Variants in C11orf91 observed in about 807,000 individuals in gnomAD.
C11orf91 encodes the protein chromosome 11 open reading frame 91.
C11orf91 carries 10 observed loss-of-function variants against 14.3 expected under a neutral mutation model. The observed-to-expected ratio is 0.70, with a 90% CI of 0.43 to 1.18. C11orf91 has a LOEUF of 1.18. Ranked by LOEUF, C11orf91 falls within the 50% of genes most tolerant of loss-of-function variation. The probability of loss-of-function intolerance (pLI) is 0.00; values close to 1 mark genes in which losing one functional copy is unlikely to be tolerated. For missense variants in C11orf91, 236 were observed against 269.0 expected (o/e 0.88, Z 0.86); for synonymous variants, 141 against 130.6 (o/e 1.08, Z -0.54).
At position 33,698,365 on chromosome 11, in the gene C11orf91, G is replaced by A; in HGVS notation, c.*64C>T. 5 of 928,206 alleles carry A rather than the reference G, an allele frequency of 5.4e-6. No individual in the cohort carries two copies. The highest frequency in any genetic ancestry group is 2.6e-5 in the East Asian group (1 of 38,292). The allele number at this position is 928,206 out of a possible 1,614,324, so 57.5% of individuals were successfully genotyped here. ...AACCATCTTTGAAATGACAACAAAT[G>A]GGACACATTATCTAAGCACTAACAC... is the stretch of plus-strand genomic sequence containing the variant. On this transcript the variant is annotated 3_prime_UTR_variant, in exon 2 of 2. Transcript: ENST00000379011.
chr11:33,700,022 T>C (rs1853094208), intron 1 of C11orf91, among the ~76,000 whole-genome samples: 1 of 151,926 alleles, frequency 6.6e-6, no homozygotes, highest in Admixed American at 6.6e-5. Context: ...GGAGGGAGGA[T>C]GGAGTTTGGG....
At position 33,700,255 on chromosome 11, in the gene C11orf91, G is replaced by C; in HGVS notation, c.486C>G (p.Asp162Glu). Residue 162 changes from aspartate (D) to glutamate (E), a missense_variant, in exon 1 of 2, where the codon GAC becomes GAG. Coordinates refer to ENST00000379011, the MANE Select transcript of C11orf91 (RefSeq NM_001166692.2). The part of the protein sequence containing the change: ...ELLTITGDGF[D>E]SQSYTFLKAL... Reference sequence around the variant, plus strand: ...GGCGAGGTCACGCACAGCTCTGGGAGTCGAAGCCGTCCCCAGTGATGGTGA... The same window carrying C: ...GGCGAGGTCACGCACAGCTCTGGGACTCGAAGCCGTCCCCAGTGATGGTGA... The C allele has an allele frequency of 6.5e-7, 1 of 1,534,028 alleles. No individual in the cohort carries two copies. The highest frequency in any genetic ancestry group is 8.7e-7 in the Non-Finnish European group (1 of 1,145,946).
Position 33,700,065 on chromosome 11 carries a change from G to A in C11orf91, c.496+180C>T, listed in dbSNP as rs567005868. Reference sequence around the variant, plus strand: ...GGCTCATGAAGTTCAGATCTGTGGTGGGGGGAGGAGTCGGTTAAGTCCAGG... The same window carrying A: ...GGCTCATGAAGTTCAGATCTGTGGTAGGGGGAGGAGTCGGTTAAGTCCAGG... On this transcript the variant is annotated intron_variant, in intron 1 of 1. Transcript: ENST00000379011. Among the ~76,000 whole-genome samples, 8 of 152,248 alleles carry A rather than the reference G, an allele frequency of 5.3e-5. No homozygotes were observed. The South Asian group carries it at 1.7e-3, about 32-fold the overall frequency.
chr11:33,698,400 TG>T lies in C11orf91; in HGVS notation c.*28del. 1 of 1,372,994 alleles carries T rather than the reference TG, an allele frequency of 7.3e-7. No homozygotes were observed. Among genetic ancestry groups the T allele is most frequent in the Non-Finnish European group, 1.0e-6 (1 of 997,004 alleles). 85.1% of individuals were successfully genotyped at this position (1,372,994 alleles called of 1,614,324 possible). A position where few individuals can be genotyped will look rare whatever the true frequency, so the allele number is the denominator to read the frequency against. On this transcript the variant is annotated 3_prime_UTR_variant, in exon 2 of 2. Coordinates refer to ENST00000379011, the MANE Select transcript of C11orf91 (RefSeq NM_001166692.2). ...ATCTAAGCACTAACACCTAAGGAGG[TG>T]GCTGCCCAAGCTCTGGTAGGCAGCT...
At chr11:33,705,072 GAGGTAGTTT>G (rs1284162449), upstream of C11orf91, 1 of 152,160 alleles carries the variant, frequency 6.6e-6, no homozygotes, top group African/African-American at 2.4e-5. Context: ...ATAAACCTGA[GAGGTAGTTT>G]AGTGGAATAG....
Position 33,700,769 on chromosome 11 carries a change from A to C in C11orf91, c.-29T>G. 7.9e-7 allele frequency: 1 copy of C among 1,266,470 alleles called. No homozygotes were observed. The highest frequency in any genetic ancestry group is 9.9e-7 in the Non-Finnish European group (1 of 1,007,076). The allele number at this position is 1,266,470 out of a possible 1,614,324, so 78.5% of individuals were successfully genotyped here. ...TTGAATGAGGGTCTGCGTGGGAGGA[A>C]CCCCGCGCCGGGAGACGCGCGCTCA... is the stretch of plus-strand genomic sequence containing the variant. On this transcript the variant is annotated 5_prime_UTR_variant, in exon 1 of 2. Transcript: ENST00000379011.
chr11:33,698,362 A>C lies in C11orf91; in HGVS notation c.*67T>G, dbSNP rs1853060377. The C allele has an allele frequency of 4.3e-6, 4 of 923,100 alleles. No homozygotes were observed. The South Asian group carries it at 5.7e-5, about 13-fold the overall frequency. The allele number at this position is 923,100 out of a possible 1,614,324, so 57.2% of individuals were successfully genotyped here. ...AATAACCATCTTTGAAATGACAACA[A>C]ATGGGACACATTATCTAAGCACTAA... On this transcript the variant is annotated 3_prime_UTR_variant, in exon 2 of 2. Transcript: ENST00000379011.
chr11:33,701,194 ACCTCATTG>A (rs2133498868), upstream of C11orf91, among the ~76,000 whole-genome samples: 1 of 152,294 alleles, frequency 6.6e-6, no homozygotes, highest in East Asian at 1.9e-4. Context: ...CAGCAGACTT[ACCTCATTG>A]CCTCACTGGC....
chr11:33,701,083 A>G (rs1853119125), upstream of C11orf91, among the ~76,000 whole-genome samples: 1 of 152,176 alleles, frequency 6.6e-6, no homozygotes, highest in African/African-American at 2.4e-5. Context: ...CCTCATCCAG[A>G]ACAGGCAGCG....
Position 33,700,727 on chromosome 11 carries a change from C to T in C11orf91, c.14G>A (p.Arg5Gln). 1 of 1,374,696 alleles carries T rather than the reference C, an allele frequency of 7.3e-7. No individual in the cohort carries two copies. The highest frequency in any genetic ancestry group is 9.4e-7 in the Non-Finnish European group (1 of 1,060,948). 85.2% of individuals were successfully genotyped at this position (1,374,696 alleles called of 1,614,324 possible). The change falls in exon 1 of 2, where the codon CGG (arginine) becomes CAG (glutamine). Residue 5 changes from arginine (R) to glutamine (Q), a missense_variant. Arg to Gln is a conservative substitution (Grantham distance 43). Transcript: ENST00000379011. MPKG[R>Q]RGSHSPTMSQ... ...CATGGTGGGGCTGTGGCTGCCGCGC[C>T]GCCCCTTTGGCATCGTTTGAATGAG...
intron 1 of C11orf91, 36 bp from the exon 2 acceptor site, chr11:33,698,550 G>A (rs1445057102): frequency 7.0e-7 from 1 of 1,419,738 alleles, no homozygotes. Flanking sequence ...CCGTAATAGA[G>A]ATAAGGGCTT....
At chr11:33,704,469 C>T (rs2133505073), upstream of C11orf91, 1 of 152,100 alleles carries the variant, frequency 6.6e-6, no homozygotes, top group East Asian at 1.9e-4. Flanking sequence ...AAACCCAACC[C>T]ACTCCAGATA....
upstream of C11orf91, chr11:33,704,476 G>A (rs1279541967): frequency 6.6e-6 from 1 of 152,164 alleles, no homozygotes; most frequent in Non-Finnish European, 1.5e-5. Flanking sequence ...ACCCACTCCA[G>A]ATAATCGCGC....
At chr11:33,701,834 T>C (rs1186104292), upstream of C11orf91, among the ~76,000 whole-genome samples, 1 of 151,520 alleles carries the variant, frequency 6.6e-6, no homozygotes, top group Non-Finnish European at 1.5e-5. Context: ...CTTGGACAAG[T>C]TGCTTGACTT....
upstream of C11orf91, chr11:33,704,166 T>G (rs1466641303): frequency 6.6e-6 from 1 of 152,224 alleles, no homozygotes; most frequent in African/African-American, 2.4e-5. Context: ...TTTGGACATG[T>G]AGTGGTTGTG....
intron 1 of C11orf91, chr11:33,699,753 C>A: frequency 2.5e-6 from 1 of 403,026 alleles, no homozygotes; most frequent in South Asian, 1.7e-5. Context: ...TGGAAACGGC[C>A]TTGGGCCTTG....
chr11:33,698,445 G>A lies in C11orf91; in HGVS notation c.566C>T (p.Ser189Leu), dbSNP rs960733478. The change falls in exon 2 of 2, where the codon TCG (serine) becomes TTG (leucine). Residue 189 changes from serine (S) to leucine (L), a missense_variant. Transcript: ENST00000379011. ...GLKTKQPGKK[S>L]ASLS ...GGCAGCTCCTCAGGAGAGAGAGGCC[G>A]ACTTCTTTCCAGGTTGCTTGGTCTT... The A allele has an allele frequency of 9.8e-6, 15 of 1,536,994 alleles. No individual in the cohort carries two copies. The Admixed American group carries it at 2.0e-4, about 20-fold the overall frequency.
At chr11:33,703,090 G>GA (rs1463526962), upstream of C11orf91, 2 of 152,068 alleles carry the variant, frequency 1.3e-5, no homozygotes, top group African/African-American at 4.8e-5. Context: ...TAGTTGAGGA[G>GA]AAAAAATTAC....
rs1180220803 is a variant in C11orf91, at chr11:33,700,632, T to C, written c.109A>G (p.Ser37Gly). ...AGCTTCTTCCAGATGTTGAAGTCGC[T>C]GAGCGGGGACGAGGAGATGCCGCGG... ...YDRGISSSPL[S>G]DFNIWKKLFV... The change falls in exon 1 of 2, where the codon AGC becomes GGC. Residue 37 changes from serine (S) to glycine (G), a missense_variant. Coordinates refer to ENST00000379011, the MANE Select transcript of C11orf91 (RefSeq NM_001166692.2). 4.1e-6 allele frequency: 6 copies of C among 1,474,750 alleles called. No homozygotes were observed. In the South Asian group the frequency reaches 7.8e-5, roughly 19 times the overall value. 91.4% of individuals were successfully genotyped at this position (1,474,750 alleles called of 1,614,324 possible). A position where few individuals can be genotyped will look rare whatever the true frequency, so the allele number is the denominator to read the frequency against.
Sources: gnomAD v4.1 joint callset for allele counts (sites outside exome capture counted in the v4.1 genomes callset) on GRCh38, gnomAD v4.1.1 for gene constraint, MANE v1.5 for transcripts, NCBI Gene and HGNC (gene_info 2026-07-23, HGNC 2026-07-21) for gene names.